Variants in EIF5B observed in about 807,000 individuals in gnomAD.
EIF5B encodes eIF-5B.
Under a neutral mutation model 147.5 loss-of-function variants are expected in EIF5B, and 47 were observed. The observed-to-expected ratio is 0.32, with a 90% confidence interval of 0.25 to 0.41. The LOEUF is 0.41. Among genes scored for constraint, EIF5B ranks in the 10% least tolerant of loss-of-function variants. The pLI is 1.00. For missense variants in EIF5B, 1,064 were observed against 1,413.2 expected, an observed-to-expected ratio of 0.75 and a Z score of 3.96; for synonymous variants, 455 against 456.2, an observed-to-expected ratio of 1.00 and a Z score of 0.03.
At chr2:99,371,507 A>T (rs901033427) in intron 8 of EIF5B, 149 bp from the exon 9 acceptor site, 7 of 481,174 alleles carry the variant, frequency 1.5e-5, no homozygotes, top group Admixed American at 1.1e-4. Flanking sequence ...AAAAAAAAAG[A>T]TAGTTCTAAA....
chr2:99,366,077 T>G (rs1674321881), intron 6 of EIF5B, among the ~76,000 whole-genome samples: 1 of 132,750 alleles, frequency 7.5e-6, no homozygotes, highest in African/African-American at 2.6e-5. Flanking sequence ...AGCCTGTGAC[T>G]ACTAAGCATA....
In EIF5B at chr2:99,370,851, G is replaced by T. The variant is rs190181836; in HGVS notation, c.1478-805G>T. Among the ~76,000 whole-genome samples, 11 of 152,238 alleles carry T rather than the reference G, an allele frequency of 7.2e-5. No homozygotes were observed. In the East Asian group the frequency reaches 1.7e-3, roughly 24 times the overall value. ...ATTTTAGCTTTCTGGCTGTTTTGGGGTTATGAGCACAGCATTGACCCAGAG... is the reference window on the plus strand; with the variant it reads ...ATTTTAGCTTTCTGGCTGTTTTGGGTTTATGAGCACAGCATTGACCCAGAG... On this transcript the variant is annotated intron_variant, in intron 8 of 23. Transcript: ENST00000289371.
Position 99,399,314 on chromosome 2 carries a change from G to A in EIF5B, c.3563G>A (p.Arg1188Gln). 6.2e-7 allele frequency: 1 copy of A among 1,614,022 alleles called. No individual in the cohort carries two copies. The highest frequency in any genetic ancestry group is 8.5e-7 in the Non-Finnish European group (1 of 1,179,982). ...ATDILVSKISRQSIDALKDWF... is the reference protein window; with the variant it reads ...ATDILVSKISQQSIDALKDWF... ...GTGCCTCGGGCATTGCAGATCAGCC[G>A]GCAGTCCATTGATGCACTCAAAGAC... Residue 1188 changes from arginine to glutamine, a missense_variant, in exon 24 of 24, where the codon CGG becomes CAG. Coordinates refer to ENST00000289371, the MANE Select transcript of EIF5B (RefSeq NM_015904.4).
At chr2:99,366,479 A>G (rs981128307) in intron 6 of EIF5B, among the ~76,000 whole-genome samples, 10 of 152,202 alleles carry the variant, frequency 6.6e-5, no homozygotes, top group African/African-American at 1.9e-4. Context: ...AGTCATAGCT[A>G]TGGTTTTACC....
At chr2:99,361,962 C>CTT in intron 4 of EIF5B, 142 bp downstream of exon 4, 1 of 644,396 alleles carries the variant, frequency 1.6e-6, no homozygotes. Context: ...AAAATTACGT[C>CTT]TAAGTATTTG....
chr2:99,370,440 TC>T (rs1674424272), intron 8 of EIF5B, among the ~76,000 whole-genome samples: 1 of 152,232 alleles, frequency 6.6e-6, no homozygotes, highest in Non-Finnish European at 1.5e-5. Context: ...TATTGATAGT[TC>T]CTTTCCTTCT....
intron 17 of EIF5B, 79 bp from the exon 18 acceptor site, chr2:99,392,888 G>C: frequency 7.9e-7 from 1 of 1,258,742 alleles, no homozygotes; most frequent in Non-Finnish European, 1.0e-6. Flanking sequence ...CTAATATCAT[G>C]ATGAGATTCT....
intron 7 of EIF5B, among the ~76,000 whole-genome samples, chr2:99,368,877 T>G (rs960716081): frequency 1.3e-5 from 2 of 152,260 alleles, no homozygotes; most frequent in African/African-American, 4.8e-5. Context: ...CTTGGTTTCC[T>G]TCTTAGCCTT....
chr2:99,379,343 G>T lies in EIF5B; in HGVS notation c.1976G>T (p.Gly659Val). The T allele has an allele frequency of 6.2e-7, 1 of 1,613,600 alleles. No individual in the cohort carries two copies. The highest frequency in any genetic ancestry group is 8.5e-7 in the Non-Finnish European group (1 of 1,179,678). ...CTCCGTCACACACATGTACAAGATG[G>T]TGAAGCAGGTGGTATCACACAACAA... ...DKLRHTHVQD[G>V]EAGGITQQIG... The change falls in exon 12 of 24, where the codon GGT becomes GTT. Residue 659 changes from glycine to valine, a missense_variant. By Grantham distance (109) the Gly-to-Val change is moderately radical (BLOSUM62 -3). Around this residue, in one of 4 missense-constraint regions of EIF5B, gnomAD observed 380 missense variants for 715.6 expected, o/e 0.53. Transcript: ENST00000289371.
At chr2:99,385,036 T>G (rs963014812) in intron 14 of EIF5B, among the ~76,000 whole-genome samples, 1 of 152,192 alleles carries the variant, frequency 6.6e-6, no homozygotes, top group African/African-American at 2.4e-5. Context: ...CAGCATTACA[T>G]GCTACAGATA....
chr2:99,399,178 G>A (rs1675141641), intron 23 of EIF5B, 129 bp from the exon 24 acceptor site: 3 of 912,238 alleles, frequency 3.3e-6, no homozygotes, highest in Non-Finnish European at 4.9e-6. Flanking sequence ...ACTCCCTTAG[G>A]CAGGCAAGCC....
intron 1 of EIF5B, among the ~76,000 whole-genome samples, chr2:99,356,442 A>G (rs555476781): frequency 6.6e-6 from 1 of 152,158 alleles, no homozygotes; most frequent in Non-Finnish European, 1.5e-5. Context: ...TTATTTACTT[A>G]ATCATTTCTC....
intron 22 of EIF5B, 53 bp downstream of exon 22, chr2:99,396,951 G>A: frequency 6.4e-7 from 1 of 1,553,032 alleles, no homozygotes; most frequent in Non-Finnish European, 8.7e-7. Flanking sequence ...CTAAATGAGT[G>A]TCCAAGAGTC....
At chr2:99,373,984 T>G (rs1674509762) in intron 9 of EIF5B, among the ~76,000 whole-genome samples, 1 of 152,134 alleles carries the variant, frequency 6.6e-6, no homozygotes, top group Non-Finnish European at 1.5e-5. Context: ...TACCCAATAC[T>G]CTATTTAGAT....
At chr2:99,353,925 T>C (rs1488478326) in intron 1 of EIF5B, among the ~76,000 whole-genome samples, 2 of 152,234 alleles carry the variant, frequency 1.3e-5, no homozygotes, top group Non-Finnish European at 2.9e-5. Flanking sequence ...TATTCAACCA[T>C]TCACCTATTA....
rs748225172 is a variant in EIF5B, at chr2:99,376,463, A to C, written c.1669A>C (p.Ser557Arg). 10 of 1,604,784 alleles carry C rather than the reference A, an allele frequency of 6.2e-6. No individual in the cohort carries two copies. The highest frequency in any genetic ancestry group is 7.7e-6 in the Non-Finnish European group (9 of 1,171,860). ...AGAAGAGGAGGAAGAGGAGGGAGAA[A>C]GTGAAGGCAGTGAAGGTGATGAGGA... ...SEEEEEEEGE[S>R]EGSEGDEEDE... Residue 557 changes from serine (S) to arginine (R), a missense_variant, in exon 10 of 24, where the codon AGT becomes CGT. By Grantham distance (110) the Ser-to-Arg change is moderately radical. This residue lies in a region of EIF5B where 195 missense variants were observed against 186.3 expected (regional missense o/e 1.05). Coordinates refer to ENST00000289371, the MANE Select transcript of EIF5B (RefSeq NM_015904.4).
chr2:99,392,668 A>G lies in EIF5B; in HGVS notation c.2749-299A>G, dbSNP rs559207754. ...TTATTTCCTCCTTCGTGAGATGTAC[A>G]TTTTTCTTCTGCATTATCTTTCTTA... is the stretch of plus-strand genomic sequence containing the variant. On this transcript the variant is annotated intron_variant, in intron 17 of 23. Coordinates refer to ENST00000289371, the MANE Select transcript of EIF5B (RefSeq NM_015904.4). Among the ~76,000 whole-genome samples, 345 of 151,628 alleles carry G rather than the reference A, an allele frequency of 2.3e-3. 4 individuals carry two copies. The highest frequency in any genetic ancestry group is 8.1e-3 in the African/African-American group (336 of 41,302).
chr2:99,386,615 C>T (rs542547432), intron 14 of EIF5B, among the ~76,000 whole-genome samples: 3 of 150,588 alleles, frequency 2.0e-5, no homozygotes, highest in Admixed American at 6.6e-5. Flanking sequence ...CTACAACGTC[C>T]GCCTCCCAGG....
In EIF5B at chr2:99,400,257, A is replaced by ATACAT. The variant is rs1340802739; in HGVS notation, c.*846_*850dup. 2.6e-5 allele frequency: 4 copies of ATACAT among 151,128 alleles called. No homozygotes were observed. The highest frequency in any genetic ancestry group is 5.9e-5 in the Non-Finnish European group (4 of 67,990). 9.4% of individuals were successfully genotyped at this position (151,128 alleles called of 1,614,324 possible). On this transcript the variant is annotated 3_prime_UTR_variant, in exon 24 of 24. Coordinates refer to ENST00000289371, the MANE Select transcript of EIF5B (RefSeq NM_015904.4). ...TTGATCTGTTTTAGTAGAGATTTTT[A>ATACAT]TACATTAATCTTGATCTGTTTTAAT...
Sources: allele counts gnomAD v4.1 joint callset (sites outside exome capture counted in the v4.1 genomes callset), GRCh38; gene constraint gnomAD v4.1.1; regional missense constraint gnomAD v4.1.1; transcripts MANE v1.5; gene names NCBI Gene and HGNC (gene_info 2026-07-23, HGNC 2026-07-21).